The following CCDC171 variants were observed in gnomAD, a reference collection of about 807,000 sequenced individuals.
CCDC171 encodes coiled-coil domain-containing protein 171.
A neutral mutation model predicts 168.2 loss-of-function variants in CCDC171; 177 were observed. The observed-to-expected ratio is 1.05, with a 90% CI of 0.93 to 1.19. The LOEUF is 1.19. Ranked by LOEUF, CCDC171 falls within the 50% of genes most tolerant of loss-of-function variation. The pLI is 0.00. For synonymous variants in CCDC171, 687 were observed against 540.8 expected (o/e 1.27, Z -3.75); for missense variants, 1,991 against 1,539.0 (o/e 1.29, Z -4.91).
At chr9:15,826,672 A>ATGCAACAAGCTAGCATCTCG (rs1377938421) in intron 21 of CCDC171, among the ~76,000 whole-genome samples, 3 of 152,262 alleles carry the variant, frequency 2.0e-5, no homozygotes, top group Admixed American at 2.0e-4. Context: ...CTAGCATCTC[A>ATGCAACAAGCTAGCATCTCG]TGCAACAAGC....
chr9:15,576,117 A>G (rs1193302185), intron 3 of CCDC171, among the ~76,000 whole-genome samples: 1 of 32,816 alleles, frequency 3.0e-5, no homozygotes, highest in Non-Finnish European at 5.8e-5. Context: ...ATAGCTACAT[A>G]TATATCATAT....
chr9:16,017,790 A>C (rs1833063541), intron 3 of CCDC171, among the ~76,000 whole-genome samples: 1 of 152,226 alleles, frequency 6.6e-6, no homozygotes, highest in African/African-American at 2.4e-5. Flanking sequence ...TAGCTTACAA[A>C]TATTTATTTC....
At chr9:16,057,821 A>G (rs1159120255) in intron 1 of CCDC171, among the ~76,000 whole-genome samples, 12 of 152,222 alleles carry the variant, frequency 7.9e-5, no homozygotes. Flanking sequence ...ACTCAGGCAC[A>G]GTGGACACGG....
At position 15,721,809 on chromosome 9, in the gene CCDC171, T is replaced by C; in HGVS notation, c.1359T>C (p.Val453=). Residue 453 remains valine (V), a synonymous_variant, in exon 12 of 26, where the codon GTT becomes GTC. Transcript: ENST00000380701. The part of the protein sequence containing the change: ...KDKDKPPSFS[V]VLERLRRTLT... ...AAGATAAACCTCCCAGCTTCTCTGT[T>C]GTCCTTGAGAGATTGAGGCGTACCT... 6.4e-7 allele frequency: 1 copy of C among 1,564,248 alleles called. No homozygotes were observed. The highest frequency in any genetic ancestry group is 1.8e-5 in the Admixed American group (1 of 54,442).
In CCDC171 at chr9:16,028,766, G is replaced by A. The variant is rs545569485; in HGVS notation, n.998+5858G>A. ...CATTTGTCCCAAGGCTGTGCTTCCCGTGGGCTGCTCTCAGTCAGTGACTTG... is the reference window on the plus strand; with the variant it reads ...CATTTGTCCCAAGGCTGTGCTTCCCATGGGCTGCTCTCAGTCAGTGACTTG... On this transcript the variant is annotated intron_variant and non_coding_transcript_variant, in intron 6 of 9. Transcript: ENST00000486641. 4.0e-4 allele frequency among the ~76,000 whole-genome samples: 61 copies of A among 152,290 alleles called. 1 individual carries two copies. The highest frequency in any genetic ancestry group is 1.8e-3 in the Admixed American group (27 of 15,302).
At chr9:15,988,033 C>T (rs570010411) in intron 3 of CCDC171, among the ~76,000 whole-genome samples, 50 of 152,298 alleles carry the variant, frequency 3.3e-4, no homozygotes, top group African/African-American at 1.1e-3. Context: ...TATATGCCAG[C>T]AGTAAACAAT....
At chr9:15,994,677 C>T (rs1832314032) in intron 3 of CCDC171, among the ~76,000 whole-genome samples, 1 of 152,176 alleles carries the variant, frequency 6.6e-6, no homozygotes, top group Admixed American at 6.5e-5. Flanking sequence ...AAGCCCATTG[C>T]ACATTTCACC....
At chr9:15,836,200 ACT>A (rs1311595616) in intron 21 of CCDC171, among the ~76,000 whole-genome samples, 2 of 152,084 alleles carry the variant, frequency 1.3e-5, no homozygotes, top group African/African-American at 4.8e-5. Flanking sequence ...GTGACAAATA[ACT>A]CTAAACAGTG....
At chr9:15,794,554 A>C (rs1030425708) in intron 21 of CCDC171, among the ~76,000 whole-genome samples, 1 of 151,600 alleles carries the variant, frequency 6.6e-6, no homozygotes, top group Non-Finnish European at 1.5e-5. Context: ...AGATAATCAT[A>C]TGACTTTTCC....
chr9:15,863,645 A>G (rs1008495240), intron 23 of CCDC171, among the ~76,000 whole-genome samples: 10 of 151,794 alleles, frequency 6.6e-5, no homozygotes, highest in Admixed American at 2.6e-4. Context: ...TTCCTTGTAC[A>G]TGGTTTTCTA....
chr9:15,947,040 T>A (rs181527524), intron 25 of CCDC171, among the ~76,000 whole-genome samples: 67 of 152,134 alleles, frequency 4.4e-4, no homozygotes, highest in Non-Finnish European at 1.2e-4. Context: ...TACATTCATT[T>A]AGAAACTAAA....
chr9:15,642,343 G>GTATATATA (rs55976539), intron 7 of CCDC171, among the ~76,000 whole-genome samples: 133 of 107,358 alleles, frequency 1.2e-3, no homozygotes, highest in African/African-American at 1.9e-3. Flanking sequence ...GTGTGTGTGT[G>GTATATATA]TATATATATA....
intron 9 of CCDC171, among the ~76,000 whole-genome samples, chr9:15,677,449 T>C (rs1024328873): frequency 6.6e-6 from 1 of 152,054 alleles, no homozygotes; most frequent in Non-Finnish European, 1.5e-5. Flanking sequence ...AAAAATTACC[T>C]CTTTATTTGA....
rs1479357800 is a variant in CCDC171 at position 15,820,108 on chromosome 9, T to A, written c.3268-26594T>A. Among the ~76,000 whole-genome samples the A allele has an allele frequency of 1.0e-4, 12 of 117,174 alleles. 3 individuals are homozygous for A. Among genetic ancestry groups the A allele is most frequent in the Non-Finnish European group, 2.1e-4 (11 of 52,342 alleles). The allele number at this position is 117,174 out of a possible 152,430, so 76.9% of individuals were successfully genotyped here. ...AATGACTACTGGGTACATAACAAAATGAAGGCAGAAATAAAGGTGTTCTTT... is the reference window on the plus strand; with the variant it reads ...AATGACTACTGGGTACATAACAAAAAGAAGGCAGAAATAAAGGTGTTCTTT... On this transcript the variant is annotated intron_variant, in intron 21 of 25. Transcript: ENST00000380701.
intron 25 of CCDC171, among the ~76,000 whole-genome samples, chr9:15,967,019 G>C (rs1013556011): frequency 1.5e-4 from 23 of 152,092 alleles, no homozygotes; most frequent in Admixed American, 1.5e-3. Context: ...ATAAAATAGA[G>C]TATTCCACAA....
At chr9:15,805,698 T>C (rs2059040070) in intron 21 of CCDC171, among the ~76,000 whole-genome samples, 1 of 152,182 alleles carries the variant, frequency 6.6e-6, no homozygotes, top group African/African-American at 2.4e-5. Context: ...AAGTGCTGTG[T>C]GGAGATGAGA....
intron 21 of CCDC171, among the ~76,000 whole-genome samples, chr9:15,785,383 C>G (rs1404714349): frequency 6.6e-6 from 1 of 152,172 alleles, no homozygotes; most frequent in Admixed American, 6.5e-5. Flanking sequence ...TATAGGATAT[C>G]ATACTTAATA....
chr9:15,986,966 T>G (rs115435253), intron 3 of CCDC171, among the ~76,000 whole-genome samples: 592 of 152,264 alleles, frequency 3.9e-3, no homozygotes, highest in African/African-American at 0.013. Context: ...CCTACATTGT[T>G]TATGCTGAAA....
intron 6 of CCDC171, among the ~76,000 whole-genome samples, chr9:15,599,254 T>C (rs546198729): frequency 6.6e-6 from 1 of 152,334 alleles, no homozygotes; most frequent in South Asian, 2.1e-4. Flanking sequence ...TGATGGTCTT[T>C]ACGATTTGGC....
Sources: allele counts gnomAD v4.1 joint callset (sites outside exome capture counted in the v4.1 genomes callset), GRCh38; gene constraint gnomAD v4.1.1; transcripts MANE v1.5; gene names NCBI Gene and HGNC (gene_info 2026-07-23, HGNC 2026-07-21).